Variants in RIPOR2 observed in about 807,000 individuals in gnomAD.
RIPOR2 encodes RHO family interacting cell polarization regulator 2, also known as rho family-interacting cell polarization regulator 2.
In RIPOR2, 39 loss-of-function variants were observed where a neutral mutation model predicts 114.5. That is an observed-to-expected ratio of 0.34 (90% CI 0.26 to 0.44). The LOEUF (loss-of-function observed/expected upper bound fraction) is 0.44. Among genes scored for constraint, RIPOR2 ranks in the 20% least tolerant of loss-of-function variants. The pLI is 1.00. For synonymous variants in RIPOR2, 445 were observed against 484.4 expected, an observed-to-expected ratio of 0.92 and a Z score of 1.07; for missense variants, 1,007 against 1,255.1, an observed-to-expected ratio of 0.80 and a Z score of 2.99.
chr6:24,851,426 A>G (rs79205526), intron 9 of RIPOR2, among the ~76,000 whole-genome samples: 1 of 152,132 alleles, frequency 6.6e-6, no homozygotes, highest in African/African-American at 2.4e-5. Context: ...AGACATCCTT[A>G]CTCTGGATAG....
intron 16 of RIPOR2, among the ~76,000 whole-genome samples, chr6:24,831,550 C>A (rs1760693644): frequency 2.0e-5 from 3 of 152,142 alleles, no homozygotes; most frequent in African/African-American, 7.2e-5. Flanking sequence ...GAATGTCCTG[C>A]CCCTCTTCAT....
intron 1 of RIPOR2, among the ~76,000 whole-genome samples, chr6:24,893,412 A>C (rs1767558155): frequency 6.6e-6 from 1 of 152,214 alleles, no homozygotes; most frequent in Non-Finnish European, 1.5e-5. Flanking sequence ...ACTTTAGGAC[A>C]CAGTGAATGT....
At chr6:25,001,090 A>C (rs1420853903) in intron 1 of RIPOR2, among the ~76,000 whole-genome samples, 6 of 152,258 alleles carry the variant, frequency 3.9e-5, no homozygotes, top group African/African-American at 2.4e-5. Context: ...GCACATGTAC[A>C]TATACATGCA....
At chr6:24,972,534 G>A (rs751734660) in intron 1 of RIPOR2, among the ~76,000 whole-genome samples, 41 of 152,184 alleles carry the variant, frequency 2.7e-4, no homozygotes, top group Non-Finnish European at 2.5e-4. Context: ...TCTCAGAGGA[G>A]GGTAATACAA....
At chr6:25,029,538 TCTGA>T (rs896136485) in intron 1 of RIPOR2, among the ~76,000 whole-genome samples, 5 of 149,060 alleles carry the variant, frequency 3.4e-5, no homozygotes, top group African/African-American at 7.5e-5. Context: ...GAGTGAGTGG[TCTGA>T]CTGATGCCTC....
At chr6:24,878,885 C>T (rs62402004) in intron 1 of RIPOR2, among the ~76,000 whole-genome samples, 2 of 102,110 alleles carry the variant, frequency 2.0e-5, no homozygotes, top group South Asian at 2.9e-4. Flanking sequence ...ATGAATTAAA[C>T]GCTGGAGAGT....
chr6:24,920,311 A>G (rs933010096), intron 1 of RIPOR2, among the ~76,000 whole-genome samples: 2 of 152,234 alleles, frequency 1.3e-5, no homozygotes, highest in African/African-American at 4.8e-5. Context: ...AAGCATGTGA[A>G]CTTGGTATGC....
rs114036192 is a variant in RIPOR2, at chr6:25,004,249, C to T, written c.76+37602G>A. ...TTAAAATGGAATAACTCATAGGATC[C>T]GATTGTTGAATGATGGATATGGAAA... On this transcript the variant is annotated intron_variant, in intron 1 of 13. Transcript: ENST00000510784. Among the ~76,000 whole-genome samples, 1,450 of 152,106 alleles carry T rather than the reference C, an allele frequency of 9.5e-3. 21 individuals carry two copies. The highest frequency in any genetic ancestry group is 0.031 in the African/African-American group (1,281 of 41,476).
intron 1 of RIPOR2, among the ~76,000 whole-genome samples, chr6:24,984,686 G>A (rs928050416): frequency 4.0e-5 from 6 of 151,630 alleles, no homozygotes; most frequent in Non-Finnish European, 7.4e-5. Context: ...AAAGCACTTG[G>A]CATTGTATCT....
At chr6:24,976,431 A>G in intron 1 of RIPOR2, 1 of 1,558,870 alleles carries the variant, frequency 6.4e-7, no homozygotes, top group South Asian at 1.1e-5. Context: ...GGTCAACCCC[A>G]CCATGTTCTT....
chr6:24,979,939 C>T lies in RIPOR2; in HGVS notation c.76+61912G>A, dbSNP rs1474742451. On this transcript the variant is annotated intron_variant, in intron 1 of 13. Transcript: ENST00000510784. ...TAAAGCATCAAGCATATAGTAGGAA[C>T]TTAATAAATTATACTGCTGTAGGTT... Among the ~76,000 whole-genome samples the T allele has an allele frequency of 3.9e-5, 6 of 152,284 alleles. No homozygotes were observed. In the South Asian group the frequency reaches 1.2e-3, roughly 32 times the overall value.
intron 1 of RIPOR2, among the ~76,000 whole-genome samples, chr6:24,880,879 T>C (rs1048513217): frequency 3.9e-5 from 6 of 152,314 alleles, no homozygotes; most frequent in Non-Finnish European, 7.4e-5. Context: ...TACTCATATA[T>C]ACCCGATATA....
chr6:25,037,389 T>C lies in RIPOR2; in HGVS notation c.76+4462A>G, dbSNP rs1777295568. 6.6e-6 allele frequency among the ~76,000 whole-genome samples: 1 copy of C among 152,194 alleles called. No individual in the cohort carries two copies. The highest frequency in any genetic ancestry group is 2.4e-5 in the African/African-American group (1 of 41,450). On this transcript the variant is annotated intron_variant, in intron 1 of 13. Coordinates refer to the RIPOR2 transcript ENST00000510784. This position sits in a 1 kb window ranked among gnomAD's most constrained non-coding sequence, Gnocchi z 4.5. The stretch of plus-strand genomic sequence containing the variant: ...GTGCCCACCCCTCATTCCCGTGCCC[T>C]GCCCTGACCCTGCTGTCATCATGTA...
intron 15 of RIPOR2, among the ~76,000 whole-genome samples, chr6:24,833,326 C>T (rs1358560691): frequency 2.6e-5 from 4 of 152,070 alleles, no homozygotes; most frequent in African/African-American, 9.7e-5. Flanking sequence ...CATGACGAAA[C>T]CCCATCTCTA....
intron 14 of RIPOR2, among the ~76,000 whole-genome samples, chr6:24,836,581 A>G (rs2113701003): frequency 6.6e-6 from 1 of 152,344 alleles, no homozygotes; most frequent in South Asian, 2.1e-4. Context: ...CTTGTTTCAC[A>G]TGATTAGCAG....
In RIPOR2 at chr6:24,806,462, G is replaced by T. The variant is rs750061582; in HGVS notation, c.3055C>A (p.Arg1019=). Residue 1019 remains arginine (R), a synonymous_variant, in exon 22 of 22, where the codon CGG becomes AGG. Transcript: ENST00000643898. ...TTGTCCAATTGTTCATATGCCAGCCGCCCATCTTCTCCTAAATACAGAACA... is the reference window on the plus strand; with the variant it reads ...TTGTCCAATTGTTCATATGCCAGCCTCCCATCTTCTCCTAAATACAGAACA... ...ETLLSLGEDG[R]LAYEQLDKFP... 1.9e-6 allele frequency: 3 copies of T among 1,550,398 alleles called. No individual in the cohort carries two copies. The highest frequency in any genetic ancestry group is 2.6e-6 in the Non-Finnish European group (3 of 1,146,166).
chr6:25,018,398 A>G (rs1234827616), intron 1 of RIPOR2, among the ~76,000 whole-genome samples: 3 of 152,240 alleles, frequency 2.0e-5, no homozygotes. Context: ...TATGATATTC[A>G]TTGAATACTA....
At chr6:24,943,741 C>G (rs957911818) in intron 1 of RIPOR2, among the ~76,000 whole-genome samples, 2 of 152,078 alleles carry the variant, frequency 1.3e-5, no homozygotes, top group African/African-American at 4.8e-5. Flanking sequence ...CAGTGAAAAT[C>G]AACAGCCTGG....
At chr6:24,926,203 A>G (rs1176744696) in intron 1 of RIPOR2, among the ~76,000 whole-genome samples, 4 of 152,224 alleles carry the variant, frequency 2.6e-5, no homozygotes, top group Admixed American at 2.0e-4. Flanking sequence ...TACGTTTTTA[A>G]AAGAACTCTG....
Sources: allele counts gnomAD v4.1 joint callset (sites outside exome capture counted in the v4.1 genomes callset), GRCh38; gene constraint gnomAD v4.1.1; non-coding constraint Gnocchi (gnomAD v3.1); transcripts MANE v1.5; gene names NCBI Gene and HGNC (gene_info 2026-07-23, HGNC 2026-07-21).